Variants in CACNA1C observed in about 807,000 individuals in gnomAD.
The protein encoded by CACNA1C is calcium voltage-gated channel subunit alpha1 C.
A neutral mutation model predicts 229.0 loss-of-function variants in CACNA1C; 30 were observed. That is an observed-to-expected ratio of 0.13 (90% confidence interval 0.10 to 0.18). The LOEUF (loss-of-function observed/expected upper bound fraction) is 0.18, where lower values mean the gene tolerates loss of function less well. CACNA1C is among the 10% of genes least tolerant of loss of function. The pLI, the probability that CACNA1C is intolerant of heterozygous loss-of-function variation, is 1.00. For missense variants in CACNA1C, 1,658 were observed against 2,845.0 expected (o/e 0.58, Z 9.49); for synonymous variants, 1,114 against 1,132.5 (o/e 0.98, Z 0.33).
intron 1 of CACNA1C, among the ~76,000 whole-genome samples, chr12:2,089,885 C>A (rs562379789): frequency 6.6e-6 from 1 of 151,932 alleles, no homozygotes; most frequent in East Asian, 1.9e-4. Context: ...AAAAATTAGC[C>A]GGGCGTGGTG....
chr12:2,584,413 T>C (rs1228397982), intron 15 of CACNA1C, 90 bp from the exon 16 acceptor site: 2 of 847,044 alleles, frequency 2.4e-6, no homozygotes, highest in Non-Finnish European at 4.0e-6. Flanking sequence ...GCTGAGGAGC[T>C]CTACCCTGCA....
intron 3 of CACNA1C, among the ~76,000 whole-genome samples, chr12:2,255,905 T>A (rs187632352): frequency 4.5e-4 from 3 of 6,662 alleles, no homozygotes; most frequent in Non-Finnish European, 1.1e-3. Context: ...TAGTTTACAA[T>A]CACACGACCC....
intron 3 of CACNA1C, among the ~76,000 whole-genome samples, chr12:2,204,169 T>C (rs1241122949): frequency 6.6e-6 from 1 of 152,068 alleles, no homozygotes; most frequent in Non-Finnish European, 1.5e-5. Flanking sequence ...TGGTATCTCA[T>C]TGTGGTTTTG....
chr12:2,069,938 G>A (rs2060613754), intron 1 of CACNA1C, among the ~76,000 whole-genome samples: 1 of 152,108 alleles, frequency 6.6e-6, no homozygotes, highest in Non-Finnish European at 1.5e-5. Flanking sequence ...CTGAGTAGCT[G>A]GGACTACAAG....
intron 45 of CACNA1C, among the ~76,000 whole-genome samples, chr12:2,686,536 A>G (rs1216729814): frequency 6.6e-6 from 1 of 152,256 alleles, no homozygotes; most frequent in East Asian, 1.9e-4. Flanking sequence ...CCACAGCTGC[A>G]GGTTCCACCT....
chr12:2,598,161 G>A (rs1008421690), intron 21 of CACNA1C, among the ~76,000 whole-genome samples: 1 of 152,148 alleles, frequency 6.6e-6, no homozygotes, highest in African/African-American at 2.4e-5. Context: ...TGCCCTGAGC[G>A]TGGGGGAGGG....
At chr12:2,599,661 G>A (rs1041834957) in intron 21 of CACNA1C, among the ~76,000 whole-genome samples, 7 of 152,114 alleles carry the variant, frequency 4.6e-5, no homozygotes, top group Non-Finnish European at 7.4e-5. Context: ...CCCAGCAAGG[G>A]CCCCTTCCCA....
Position 1,991,350 on chromosome 12 carries a change from T to C in CACNA1C, c.139+20149T>C, listed in dbSNP as rs1244586966. The C allele has an allele frequency of 7.2e-6, 3 of 416,544 alleles. No homozygotes were observed. The East Asian group carries it at 2.1e-4, about 30-fold the overall frequency. 25.8% of individuals were successfully genotyped at this position (416,544 alleles called of 1,614,324 possible). A position where few individuals can be genotyped will look rare whatever the true frequency, so the allele number is the denominator to read the frequency against. The stretch of plus-strand genomic sequence containing the variant: ...AAATACGGAAACATAAAATAAAATA[T>C]GAAAAACAAATTAAAATAGAACAGT... On this transcript the variant is annotated intron_variant, in intron 1 of 46. Coordinates refer to the CACNA1C transcript ENST00000682462.
intron 1 of CACNA1C, among the ~76,000 whole-genome samples, chr12:2,016,772 T>A (rs974527669): frequency 6.6e-6 from 1 of 152,200 alleles, no homozygotes. Context: ...TACCAGGCAA[T>A]CTGGGTCACC....
In CACNA1C at chr12:2,074,807, A is replaced by G. The variant is rs118182309; in HGVS notation, c.49+21196A>G. Among the ~76,000 whole-genome samples, 626 of 152,322 alleles carry G rather than the reference A, an allele frequency of 4.1e-3. 10 individuals are homozygous for G. Among genetic ancestry groups the G allele is most frequent in the Non-Finnish European group, 3.1e-3 (210 of 68,024 alleles). ...TACCCTGAAGCTGTCAGCTAATGCC[A>G]TCTGAGTCACCCCTCCCCATCTTCT... On this transcript the variant is annotated intron_variant, in intron 1 of 46. Coordinates refer to ENST00000399655, the MANE Select transcript of CACNA1C (RefSeq NM_000719.7).
intron 9 of CACNA1C, among the ~76,000 whole-genome samples, chr12:2,537,541 C>A (rs2099858666): frequency 6.6e-6 from 1 of 152,188 alleles, no homozygotes; most frequent in Admixed American, 6.5e-5. Context: ...AAGGAATGGC[C>A]ATTAGGTGTC....
chr12:2,292,518 T>G (rs1047312426), intron 3 of CACNA1C, among the ~76,000 whole-genome samples: 1 of 152,224 alleles, frequency 6.6e-6, no homozygotes, highest in Non-Finnish European at 1.5e-5. Context: ...CAGCCCACGT[T>G]TGAAACCTCC....
intron 11 of CACNA1C, among the ~76,000 whole-genome samples, chr12:2,563,244 G>A (rs1456695689): frequency 1.3e-5 from 2 of 152,162 alleles, no homozygotes; most frequent in Admixed American, 1.3e-4. Flanking sequence ...ATATTCCATT[G>A]TGTACATGTA....
chr12:2,020,595 C>G (rs908546117), intron 1 of CACNA1C: 1 of 152,164 alleles, frequency 6.6e-6, no homozygotes, highest in African/African-American at 2.4e-5. Context: ...TGCTGTAAAG[C>G]TTCCTGGGAC....
chr12:2,544,783 TG>T (rs2099878020), intron 9 of CACNA1C, among the ~76,000 whole-genome samples: 1 of 152,324 alleles, frequency 6.6e-6, no homozygotes, highest in Non-Finnish European at 1.5e-5. Flanking sequence ...CGGGTGAATA[TG>T]GGCAGATGAG....
chr12:2,431,633 C>A (rs1434854551), intron 3 of CACNA1C, among the ~76,000 whole-genome samples: 1 of 152,140 alleles, frequency 6.6e-6, no homozygotes, highest in African/African-American at 2.4e-5. Context: ...TGATACCCAC[C>A]TCCCAGGGTT....
rs189662735 is a variant in CACNA1C, at chr12:2,210,239, G to A, written c.477+89809G>A. On this transcript the variant is annotated intron_variant, in intron 3 of 46. Coordinates refer to ENST00000399655, the MANE Select transcript of CACNA1C (RefSeq NM_000719.7). ...GGGAGGCAAGTGAGAATTGGGGTAT[G>A]CCTATGTTTCAACAGTTTCATTAGG... Among the ~76,000 whole-genome samples the A allele has an allele frequency of 2.8e-4, 42 of 152,314 alleles. No individual in the cohort carries two copies. In the East Asian group the frequency reaches 7.9e-3, roughly 29 times the overall value.
intron 3 of CACNA1C, among the ~76,000 whole-genome samples, chr12:2,151,838 G>A (rs1278295977): frequency 6.6e-6 from 1 of 152,136 alleles, no homozygotes; most frequent in Non-Finnish European, 1.5e-5. Context: ...ATGCACGGGT[G>A]GATGAGCCAA....
chr12:2,255,434 C>T lies in CACNA1C; in HGVS notation c.477+135004C>T, dbSNP rs1182995938. Reference sequence around the variant, plus strand: ...CCATTTACTAATGTCCTTGCCCATCCATGCCTGCAAGAAGGAAGAGATGTC... The same window carrying T: ...CCATTTACTAATGTCCTTGCCCATCTATGCCTGCAAGAAGGAAGAGATGTC... On this transcript the variant is annotated intron_variant, in intron 3 of 46. Coordinates refer to ENST00000399655, the MANE Select transcript of CACNA1C (RefSeq NM_000719.7). 2.6e-5 allele frequency among the ~76,000 whole-genome samples: 4 copies of T among 152,334 alleles called. No homozygotes were observed. In the East Asian group the frequency reaches 7.7e-4, roughly 29 times the overall value.
Sources: gnomAD v4.1 joint callset for allele counts (sites outside exome capture counted in the v4.1 genomes callset) on GRCh38, gnomAD v4.1.1 for gene constraint, MANE v1.5 for transcripts, NCBI Gene and HGNC (gene_info 2026-07-23, HGNC 2026-07-21) for gene names.